Variants in NCAM1 observed in about 807,000 individuals in gnomAD.
The protein encoded by NCAM1 is neural cell adhesion molecule 1.
NCAM1 carries 14 observed loss-of-function variants against 109.8 expected under a neutral mutation model. The ratio of observed to expected loss-of-function variants is 0.13; its 90% CI spans 0.08 to 0.20. The LOEUF is 0.20. NCAM1 is among the 10% of genes least tolerant of loss of function. The pLI is 1.00. For missense variants in NCAM1, 774 were observed against 1,109.9 expected, an observed-to-expected ratio of 0.70 and a Z score of 4.30; for synonymous variants, 418 against 442.9, an observed-to-expected ratio of 0.94 and a Z score of 0.70.
chr11:112,961,660 T>G lies in NCAM1; in HGVS notation c.48T>G (p.Thr16=). 3 of 1,462,942 alleles carry G rather than the reference T, an allele frequency of 2.1e-6. No individual in the cohort carries two copies. Among genetic ancestry groups the G allele is most frequent in the Admixed American group, 1.8e-5 (1 of 54,746 alleles). 90.6% of individuals were successfully genotyped at this position (1,462,942 alleles called of 1,614,324 possible). A position where few individuals can be genotyped will look rare whatever the true frequency, so the allele number is the denominator to read the frequency against. ...DLIWTLFFLG[T]AVSLQVDIVP... ...TCTGGACTTTGTTTTTCCTGGGAAC[T>G]GCAGGTACATTTTTTTTTTTTTTAA... The change falls in exon 1 of 20, where the codon ACT becomes ACG. Residue 16 remains threonine (T), a synonymous_variant. Transcript: ENST00000316851.
intron 1 of NCAM1, among the ~76,000 whole-genome samples, chr11:112,971,985 A>G (rs1444229796): frequency 6.6e-6 from 1 of 152,214 alleles, no homozygotes; most frequent in Admixed American, 6.5e-5. Flanking sequence ...AAAGGGGCAT[A>G]GCTGAGATGT....
At chr11:113,062,581 T>C (rs564898827) in intron 1 of NCAM1, among the ~76,000 whole-genome samples, 1 of 151,670 alleles carries the variant, frequency 6.6e-6, no homozygotes, top group East Asian at 1.9e-4. Context: ...CATCAAAGAG[T>C]GTGCCAAGCA....
intron 1 of NCAM1, among the ~76,000 whole-genome samples, chr11:113,155,438 G>A (rs544106052): frequency 1.3e-5 from 2 of 152,130 alleles, no homozygotes; most frequent in Admixed American, 6.5e-5. Flanking sequence ...GAACCCAGGA[G>A]GCGGAGGTTG....
At chr11:113,158,237 T>C (rs1942483476) in intron 1 of NCAM1, among the ~76,000 whole-genome samples, 1 of 152,218 alleles carries the variant, frequency 6.6e-6, no homozygotes, top group African/African-American at 2.4e-5. Context: ...ATTTTATTGT[T>C]AGCCACAAAT....
chr11:112,979,625 A>G (rs144450246), intron 1 of NCAM1, among the ~76,000 whole-genome samples: 1 of 151,832 alleles, frequency 6.6e-6, no homozygotes, highest in African/African-American at 2.4e-5. Flanking sequence ...TCCTGTTTTC[A>G]GGAAAACCCA....
chr11:113,146,052 T>C (rs1413177494), intron 1 of NCAM1, among the ~76,000 whole-genome samples: 1 of 152,214 alleles, frequency 6.6e-6, no homozygotes, highest in Non-Finnish European at 1.5e-5. Flanking sequence ...AAATATTTGC[T>C]GTGAAAAATA....
At chr11:113,000,838 A>G (rs1951730887) in intron 1 of NCAM1, among the ~76,000 whole-genome samples, 1 of 9,296 alleles carries the variant, frequency 1.1e-4, no homozygotes, top group South Asian at 5.1e-3. Context: ...ATATATATAT[A>G]TATATATATA....
rs184715229 is a variant in NCAM1, at chr11:113,204,573, A to T, written c.346+69A>T. 1.0e-5 allele frequency: 15 copies of T among 1,475,018 alleles called. No individual in the cohort carries two copies. In the East Asian group the frequency reaches 3.5e-4, roughly 34 times the overall value. 91.4% of individuals were successfully genotyped at this position (1,475,018 alleles called of 1,614,324 possible). ...CCAAGGAGACATGTGGGTAGTGGAA[A>T]GGTGGAAATGATGACAGAAGGACCA... On this transcript the variant is annotated intron_variant, in intron 3 of 19. Coordinates refer to ENST00000316851, the MANE Select transcript of NCAM1 (RefSeq NM_181351.5).
At chr11:113,103,921 CTTCCAATAATTTAAATATTTT>C (rs1486191322) in intron 1 of NCAM1, among the ~76,000 whole-genome samples, 2 of 151,970 alleles carry the variant, frequency 1.3e-5, no homozygotes, top group East Asian at 3.9e-4. Flanking sequence ...TTTTGACTTT[CTTCCAATAATTTAAATATTTT>C]TTCCAATAAT....
In NCAM1 at chr11:113,044,942, G is replaced by A. The variant is rs868930187; in HGVS notation, c.52+83278G>A. Among the ~76,000 whole-genome samples, 87 of 151,982 alleles carry A rather than the reference G, an allele frequency of 5.7e-4. 1 individual carries two copies. The highest frequency in any genetic ancestry group is 2.1e-3 in the African/African-American group (85 of 41,392). ...CTAATTTTTTGTATATTTGAGTAGA[G>A]ACGGGGTTTCACCGTGTTAGCAAGG... On this transcript the variant is annotated intron_variant, in intron 1 of 19. Coordinates refer to ENST00000316851, the MANE Select transcript of NCAM1 (RefSeq NM_181351.5).
At chr11:113,213,977 C>G (rs1317391023) in intron 7 of NCAM1, among the ~76,000 whole-genome samples, 2 of 152,152 alleles carry the variant, frequency 1.3e-5, no homozygotes, top group Non-Finnish European at 2.9e-5. Context: ...GTTTTTGCTT[C>G]TTTGCTTTTA....
At chr11:112,981,384 C>A (rs1232499103) in intron 1 of NCAM1, among the ~76,000 whole-genome samples, 1 of 151,874 alleles carries the variant, frequency 6.6e-6, no homozygotes, top group African/African-American at 2.4e-5. Flanking sequence ...TCATGTGAAA[C>A]GTCCTCCTCA....
chr11:113,031,988 G>C (rs1221669519), intron 1 of NCAM1, among the ~76,000 whole-genome samples: 7 of 152,122 alleles, frequency 4.6e-5, no homozygotes, highest in African/African-American at 1.7e-4. Flanking sequence ...TGTTGCCCAG[G>C]CTGGAGTTCA....
intron 1 of NCAM1, among the ~76,000 whole-genome samples, chr11:113,047,391 T>C (rs540467825): frequency 6.6e-6 from 1 of 152,202 alleles, no homozygotes; most frequent in African/African-American, 2.4e-5. Flanking sequence ...GTAAAAATAT[T>C]TGAAATATTA....
chr11:113,247,728 A>G (rs1005406747), intron 15 of NCAM1, among the ~76,000 whole-genome samples: 3 of 152,248 alleles, frequency 2.0e-5, no homozygotes, highest in African/African-American at 2.4e-5. Flanking sequence ...CATCTGATGC[A>G]GTCCACGCCA....
chr11:113,098,134 A>G (rs1342495293), intron 1 of NCAM1, among the ~76,000 whole-genome samples: 1 of 152,208 alleles, frequency 6.6e-6, no homozygotes, highest in Non-Finnish European at 1.5e-5. Context: ...GTGGTGATCT[A>G]AATTCCAAGG....
intron 3 of NCAM1, among the ~76,000 whole-genome samples, chr11:113,205,020 A>G (rs937868870): frequency 6.6e-6 from 1 of 152,204 alleles, no homozygotes; most frequent in Non-Finnish European, 1.5e-5. Context: ...CTAATGGAAC[A>G]GTATTGATTG....
chr11:113,256,549 G>A (rs1555122365), intron 16 of NCAM1, among the ~76,000 whole-genome samples: 1 of 152,160 alleles, frequency 6.6e-6, no homozygotes, highest in Non-Finnish European at 1.5e-5. Context: ...GAGAGGCTGG[G>A]CTCTCCCCAC....
At chr11:113,232,679 A>G (rs1565517087) in intron 11 of NCAM1, 39 bp from the exon 12 acceptor site, 7 of 1,492,690 alleles carry the variant, frequency 4.7e-6, no homozygotes, top group African/African-American at 1.4e-5. Flanking sequence ...TGACCATCCC[A>G]TAGGACACTT....
Sources: gnomAD v4.1 joint callset for allele counts (sites outside exome capture counted in the v4.1 genomes callset) on GRCh38, gnomAD v4.1.1 for gene constraint, MANE v1.5 for transcripts, NCBI Gene and HGNC (gene_info 2026-07-23, HGNC 2026-07-21) for gene names.